The following AUTS2 variants were observed in gnomAD, a reference collection of about 807,000 sequenced individuals.
AUTS2 encodes activator of transcription and developmental regulator AUTS2.
AUTS2 carries 17 observed loss-of-function variants against 112.4 expected under a neutral mutation model. The ratio of observed to expected loss-of-function variants is 0.15; its 90% CI spans 0.10 to 0.23. The LOEUF (loss-of-function observed/expected upper bound fraction) is 0.23. AUTS2 is among the 10% of genes least tolerant of loss of function. AUTS2 has a pLI of 1.00. For synonymous variants in AUTS2, 751 were observed against 702.7 expected (o/e 1.07, Z -1.09); for missense variants, 1,510 against 1,701.6 (o/e 0.89, Z 1.98).
chr7:69,688,039 A>G (rs867112424), intron 1 of AUTS2, among the ~76,000 whole-genome samples: 34 of 152,376 alleles, frequency 2.2e-4, no homozygotes, highest in African/African-American at 7.5e-4. Context: ...CATGTTATTT[A>G]GCTGATAGCC....
rs770558391 is a variant in AUTS2 at position 70,787,310 on chromosome 7, C to T, written c.2410C>T (p.Pro804Ser). ...GCTGCACCGAACGCCTCCGTCGTTC[C>T]CGACCCCTCCGCCCTGGCTGAAGCC... ...NRLHRTPPSF[P>S]TPPPWLKPGE... Residue 804 changes from proline (P) to serine (S), a missense_variant, in exon 18 of 19, where the codon CCG becomes TCG. By Grantham distance (74) the Pro-to-Ser change is moderately conservative (BLOSUM62 -1). Coordinates refer to ENST00000342771, the MANE Select transcript of AUTS2 (RefSeq NM_015570.4). The T allele has an allele frequency of 1.2e-6, 2 of 1,614,218 alleles. No homozygotes were observed. The highest frequency in any genetic ancestry group is 1.7e-5 in the Admixed American group (1 of 60,028).
chr7:70,438,331 T>G (rs1247950577), intron 5 of AUTS2, among the ~76,000 whole-genome samples: 1 of 151,972 alleles, frequency 6.6e-6, no homozygotes. Context: ...TATAGGCGAG[T>G]CCAAGAGTGG....
At chr7:70,772,538 CCCA>C (rs1486109664) in intron 11 of AUTS2, among the ~76,000 whole-genome samples, 1 of 152,094 alleles carries the variant, frequency 6.6e-6, no homozygotes, top group East Asian at 1.9e-4. Context: ...TTTTCTTTTC[CCCA>C]CCATCTCATG....
chr7:69,616,167 C>A (rs902184696), intron 1 of AUTS2, among the ~76,000 whole-genome samples: 2 of 152,136 alleles, frequency 1.3e-5, no homozygotes, highest in African/African-American at 4.8e-5. Context: ...GTGCAGAATT[C>A]TTTTCTAGGA....
In AUTS2 at chr7:70,336,063, C is replaced by T. The variant is rs957577354; in HGVS notation, c.661-99689C>T. 9.2e-5 allele frequency among the ~76,000 whole-genome samples: 14 copies of T among 152,302 alleles called. No homozygotes were observed. The South Asian group carries it at 1.5e-3, about 16-fold the overall frequency. On this transcript the variant is annotated intron_variant, in intron 4 of 18. Coordinates refer to ENST00000342771, the MANE Select transcript of AUTS2 (RefSeq NM_015570.4). ...TTTTGAAACAAATCATGATCTTTCACGTTACAAACAGATCTTTCTTTCTAA... is the reference window on the plus strand; with the variant it reads ...TTTTGAAACAAATCATGATCTTTCATGTTACAAACAGATCTTTCTTTCTAA...
At chr7:70,212,942 C>T (rs1391526778) in intron 4 of AUTS2, among the ~76,000 whole-genome samples, 3 of 151,982 alleles carry the variant, frequency 2.0e-5, no homozygotes, top group Non-Finnish European at 4.4e-5. Flanking sequence ...AAATAAGACT[C>T]AGTGTTAATA....
intron 2 of AUTS2, among the ~76,000 whole-genome samples, chr7:69,947,057 C>T (rs2129545546): frequency 6.6e-6 from 1 of 152,254 alleles, no homozygotes; most frequent in Middle Eastern, 3.4e-3. Flanking sequence ...TGAGTGTTAC[C>T]AGCAGTGCTT....
rs1451432210 is a variant in AUTS2, at chr7:70,196,003, A to T, written c.660+61432A>T. 2.0e-5 allele frequency among the ~76,000 whole-genome samples: 3 copies of T among 152,342 alleles called. No individual in the cohort carries two copies. The East Asian group carries it at 5.8e-4, about 29-fold the overall frequency. ...TGGATTAAATGATGTTGCTGTGCCCATAAGAAAGGCAGGTATTGGGCAGTA... is the reference window on the plus strand; with the variant it reads ...TGGATTAAATGATGTTGCTGTGCCCTTAAGAAAGGCAGGTATTGGGCAGTA... On this transcript the variant is annotated intron_variant, in intron 4 of 18. Coordinates refer to ENST00000342771, the MANE Select transcript of AUTS2 (RefSeq NM_015570.4).
At chr7:70,262,443 G>A (rs899110544) in intron 4 of AUTS2, among the ~76,000 whole-genome samples, 1 of 152,026 alleles carries the variant, frequency 6.6e-6, no homozygotes, top group South Asian at 2.1e-4. Flanking sequence ...ACCCCCCTCC[G>A]CCTTTTAAAG....
At chr7:69,688,469 G>A (rs1357681044) in intron 1 of AUTS2, among the ~76,000 whole-genome samples, 1 of 152,094 alleles carries the variant, frequency 6.6e-6, no homozygotes, top group Non-Finnish European at 1.5e-5. Flanking sequence ...TTGGGAAGAG[G>A]GTTCATGTTT....
chr7:70,053,200 T>C (rs1006253742), intron 2 of AUTS2, among the ~76,000 whole-genome samples: 1 of 152,208 alleles, frequency 6.6e-6, no homozygotes, highest in Non-Finnish European at 1.5e-5. Context: ...TATGTTTCTT[T>C]ACCTTGCTTT....
chr7:70,479,547 G>A (rs1201992063), intron 5 of AUTS2, among the ~76,000 whole-genome samples: 5 of 152,094 alleles, frequency 3.3e-5, no homozygotes, highest in African/African-American at 1.2e-4. Context: ...TACTGATGAT[G>A]CATTGAACAG....
chr7:70,137,440 G>A (rs1438657851), intron 4 of AUTS2, among the ~76,000 whole-genome samples: 1 of 149,466 alleles, frequency 6.7e-6, no homozygotes, highest in African/African-American at 2.5e-5. Flanking sequence ...ACTAAAACTT[G>A]TTAGAGTGTG....
chr7:70,049,833 G>A (rs1304441556), intron 2 of AUTS2, among the ~76,000 whole-genome samples: 2 of 151,806 alleles, frequency 1.3e-5, no homozygotes, highest in South Asian at 2.1e-4. Flanking sequence ...GCAAGACCCT[G>A]TGTCTACAAA....
At chr7:70,696,537 A>G (rs990060988) in intron 5 of AUTS2, among the ~76,000 whole-genome samples, 5 of 152,192 alleles carry the variant, frequency 3.3e-5, no homozygotes, top group African/African-American at 4.8e-5. Flanking sequence ...ACTGATCGGC[A>G]TCATAATAAT....
intron 2 of AUTS2, among the ~76,000 whole-genome samples, chr7:69,998,254 C>T (rs564778693): frequency 1.3e-5 from 2 of 152,214 alleles, no homozygotes; most frequent in Admixed American, 1.3e-4. Flanking sequence ...GTTATGTTGC[C>T]TAGGCTAGAC....
intron 1 of AUTS2, among the ~76,000 whole-genome samples, chr7:69,723,434 T>C (rs1799069651): frequency 6.6e-6 from 1 of 152,044 alleles, no homozygotes; most frequent in East Asian, 1.9e-4. Context: ...GTTACTGGAG[T>C]TTGAATGCCT....
At chr7:70,022,856 T>A (rs1440585116) in intron 2 of AUTS2, among the ~76,000 whole-genome samples, 2 of 141,688 alleles carry the variant, frequency 1.4e-5, no homozygotes, top group African/African-American at 5.2e-5. Context: ...TTGAATTAAA[T>A]TAATTTTTTT....
At chr7:69,875,937 C>A (rs963893158) in intron 1 of AUTS2, among the ~76,000 whole-genome samples, 1 of 152,104 alleles carries the variant, frequency 6.6e-6, no homozygotes, top group Non-Finnish European at 1.5e-5. Context: ...TATTGCTTAG[C>A]AATTTCTGAT....
Sources: allele counts gnomAD v4.1 joint callset (sites outside exome capture counted in the v4.1 genomes callset), GRCh38; gene constraint gnomAD v4.1.1; transcripts MANE v1.5; gene names NCBI Gene and HGNC (gene_info 2026-07-23, HGNC 2026-07-21).